SVOPL: variants seen among roughly 807,000 people sequenced by gnomAD.
SVOPL encodes SVOP like, also known as putative transporter SVOPL.
In SVOPL, 60 loss-of-function variants were observed where a neutral mutation model predicts 61.0. That is an observed-to-expected ratio of 0.98 (90% CI 0.80 to 1.22). The LOEUF is 1.22. SVOPL is among the 50% of genes most tolerant of loss of function. SVOPL has a pLI of 0.00. For synonymous variants in SVOPL, 279 were observed against 250.0 expected, an observed-to-expected ratio of 1.12 and a Z score of -1.09; for missense variants, 662 against 643.9, an observed-to-expected ratio of 1.03 and a Z score of -0.30.
chr7:138,688,156 A>G (rs1215825714), intron 1 of SVOPL, among the ~76,000 whole-genome samples: 4 of 152,144 alleles, frequency 2.6e-5, no homozygotes, highest in Admixed American at 6.6e-5. Context: ...TACAAAGAAG[A>G]TATGCAAATG....
intron 11 of SVOPL, 136 bp downstream of exon 11, chr7:138,628,022 T>C: frequency 1.0e-6 from 1 of 994,752 alleles, no homozygotes; most frequent in Non-Finnish European, 1.5e-6. Context: ...ACTGGAGATT[T>C]TTCAGCACTA....
At chr7:138,644,664 G>C (rs1801002397) in intron 9 of SVOPL, 53 bp downstream of exon 9, 1 of 1,597,910 alleles carries the variant, frequency 6.3e-7, no homozygotes, top group Non-Finnish European at 8.5e-7. Context: ...CAACTGAGGG[G>C]ATTTCCCAGT....
chr7:138,604,156 GT>G (rs1798650166), intron 14 of SVOPL, among the ~76,000 whole-genome samples: 1 of 151,274 alleles, frequency 6.6e-6, no homozygotes, highest in Non-Finnish European at 1.5e-5. Context: ...TAGACATGGG[GT>G]CCCACTGTGT....
intron 13 of SVOPL, among the ~76,000 whole-genome samples, chr7:138,622,148 ATGTAT>A (rs1799658886): frequency 1.6e-5 from 2 of 129,028 alleles, no homozygotes; most frequent in Admixed American, 8.2e-5. Flanking sequence ...GTATCTATCT[ATGTAT>A]CTATCTGTCT....
chr7:138,631,089 C>G (rs1800162846), intron 9 of SVOPL, among the ~76,000 whole-genome samples: 1 of 151,906 alleles, frequency 6.6e-6, no homozygotes, highest in African/African-American at 2.4e-5. Flanking sequence ...CCTGGGATTA[C>G]AGGCTGTTTC....
intron 8 of SVOPL, among the ~76,000 whole-genome samples, chr7:138,648,382 C>T (rs934414084): frequency 1.6e-4 from 24 of 151,566 alleles, no homozygotes; most frequent in Non-Finnish European, 1.2e-4. Context: ...CCAAGATGGG[C>T]GGATCACTTT....
intron 10 of SVOPL, among the ~76,000 whole-genome samples, chr7:138,629,697 A>C (rs1373869300): frequency 2.6e-5 from 4 of 152,216 alleles, no homozygotes; most frequent in African/African-American, 9.6e-5. Flanking sequence ...AGAGGGTACC[A>C]CAAGAGTCTG....
chr7:138,679,128 G>T, intron 1 of SVOPL, 49 bp from the exon 2 acceptor site: 1 of 1,326,454 alleles, frequency 7.5e-7, no homozygotes, highest in Non-Finnish European at 1.1e-6. Context: ...ATGGTTATTG[G>T]ATAGTTAGTA....
intron 9 of SVOPL, among the ~76,000 whole-genome samples, chr7:138,633,116 G>A (rs1249198746): frequency 6.6e-6 from 1 of 152,198 alleles, no homozygotes; most frequent in African/African-American, 2.4e-5. Flanking sequence ...AGGAAGAAGT[G>A]AGCTGACGCT....
chr7:138,668,787 G>T (rs1431634420), intron 4 of SVOPL, among the ~76,000 whole-genome samples: 1 of 152,150 alleles, frequency 6.6e-6, no homozygotes, highest in Admixed American at 6.5e-5. Flanking sequence ...GCACAGCCTT[G>T]TCAGTCTGGG....
At chr7:138,689,699 A>G (rs866304136) in intron 1 of SVOPL, among the ~76,000 whole-genome samples, 1 of 152,038 alleles carries the variant, frequency 6.6e-6, no homozygotes, top group African/African-American at 2.4e-5. Flanking sequence ...TCTACTAAAA[A>G]TACAAAAATT....
At chr7:138,692,846 C>T (rs1474681387) in intron 1 of SVOPL, among the ~76,000 whole-genome samples, 1 of 152,026 alleles carries the variant, frequency 6.6e-6, no homozygotes, top group Admixed American at 6.6e-5. Flanking sequence ...CAGGACGGAA[C>T]AAAATGTCAG....
At chr7:138,667,513 G>A (rs1451125928) in intron 4 of SVOPL, among the ~76,000 whole-genome samples, 2 of 152,132 alleles carry the variant, frequency 1.3e-5, no homozygotes, top group Non-Finnish European at 2.9e-5. Flanking sequence ...CATAATTGAT[G>A]CTTCCTTTAC....
intron 1 of SVOPL, among the ~76,000 whole-genome samples, chr7:138,688,525 C>T (rs935346498): frequency 1.3e-5 from 2 of 152,178 alleles, no homozygotes; most frequent in African/African-American, 4.8e-5. Flanking sequence ...CTGCCTTGGC[C>T]TCCCAAAGTG....
chr7:138,633,700 C>T (rs1167045165), intron 9 of SVOPL, among the ~76,000 whole-genome samples: 2 of 145,986 alleles, frequency 1.4e-5, no homozygotes, highest in East Asian at 2.0e-4. Flanking sequence ...GGTAACACTC[C>T]ACAGAAGAAA....
chr7:138,679,063 T>C lies in SVOPL; in HGVS notation c.-18A>G. 1 of 1,548,534 alleles carries C rather than the reference T, an allele frequency of 6.5e-7. No individual in the cohort carries two copies. The highest frequency in any genetic ancestry group is 8.7e-7 in the Non-Finnish European group (1 of 1,144,714). ...GTTGCCATCTTCTAAATAGCTCAAG[T>C]TCCCCAAACAGCTTCCCTGGTGGAA... is the stretch of plus-strand genomic sequence containing the variant. On this transcript the variant is annotated 5_prime_UTR_variant, in exon 2 of 16. Transcript: ENST00000674285.
At chr7:138,596,593 T>C (rs1316391192) in intron 14 of SVOPL, 63 bp from the exon 15 acceptor site, 14 of 1,571,808 alleles carry the variant, frequency 8.9e-6, no homozygotes, top group African/African-American at 4.1e-5. Flanking sequence ...CTGTTCTTTA[T>C]GTGAAAGAGA....
intron 7 of SVOPL, among the ~76,000 whole-genome samples, chr7:138,649,671 G>A (rs139711945): frequency 9.7e-4 from 147 of 152,248 alleles, no homozygotes; most frequent in Middle Eastern, 3.4e-3. Context: ...AGTAAGGGCT[G>A]TAAGGAAAAT....
chr7:138,640,787 C>G (rs1225499971), intron 9 of SVOPL, among the ~76,000 whole-genome samples: 2 of 152,042 alleles, frequency 1.3e-5, no homozygotes, highest in Admixed American at 1.3e-4. Flanking sequence ...AGGGCAAGGG[C>G]TGAGAAACTA....
Sources: allele counts gnomAD v4.1 joint callset (sites outside exome capture counted in the v4.1 genomes callset), GRCh38; gene constraint gnomAD v4.1.1; transcripts MANE v1.5; gene names NCBI Gene and HGNC (gene_info 2026-07-23, HGNC 2026-07-21).